Variants in GRIK5 observed in about 807,000 individuals in gnomAD.
The protein encoded by GRIK5 is glutamate receptor ionotropic, kainate 5.
GRIK5 carries 43 observed loss-of-function variants against 97.4 expected under a neutral mutation model. The observed-to-expected ratio is 0.44, with a 90% CI of 0.35 to 0.57. GRIK5 has a LOEUF of 0.57. Among genes scored for constraint, GRIK5 ranks in the 20% least tolerant of loss-of-function variants. GRIK5 has a pLI of 0.01. For missense variants in GRIK5, 1,015 were observed against 1,382.0 expected, an observed-to-expected ratio of 0.73 and a Z score of 4.21; for synonymous variants, 580 against 583.5, an observed-to-expected ratio of 0.99 and a Z score of 0.09.
chr19:42,019,257 G>A (rs2075668592), intron 15 of GRIK5, among the ~76,000 whole-genome samples: 1 of 151,980 alleles, frequency 6.6e-6, no homozygotes, highest in African/African-American at 2.4e-5. Context: ...TCACACACCT[G>A]GCCCTCTCCC....
chr19:42,055,373 G>GT (rs2076169589), intron 8 of GRIK5, among the ~76,000 whole-genome samples: 1 of 152,230 alleles, frequency 6.6e-6, no homozygotes, highest in Non-Finnish European at 1.5e-5. Context: ...GCGCGTAGAA[G>GT]TGTCTTGGTG....
At chr19:42,007,505 G>A (rs2075507139) in intron 15 of GRIK5, among the ~76,000 whole-genome samples, 1 of 152,162 alleles carries the variant, frequency 6.6e-6, no homozygotes, top group Admixed American at 6.5e-5. Flanking sequence ...TAATTTATAG[G>A]AAGGGAAGCC....
At chr19:42,034,460 T>C (rs1257942478) in intron 12 of GRIK5, among the ~76,000 whole-genome samples, 8 of 152,130 alleles carry the variant, frequency 5.3e-5, no homozygotes, top group Admixed American at 4.6e-4. Context: ...TGCTCTCGGA[T>C]CTCTCTGCCC....
intron 12 of GRIK5, among the ~76,000 whole-genome samples, chr19:42,032,973 T>C (rs1420528655): frequency 6.6e-6 from 1 of 152,164 alleles, no homozygotes; most frequent in Non-Finnish European, 1.5e-5. Flanking sequence ...TTAAATGATT[T>C]AAAAATTAGA....
chr19:42,046,194 T>C (rs2076041191), intron 11 of GRIK5, among the ~76,000 whole-genome samples: 1 of 152,184 alleles, frequency 6.6e-6, no homozygotes, highest in Admixed American at 6.5e-5. Flanking sequence ...CTCTGAACCC[T>C]GTTCCTTCCA....
At chr19:42,023,482 G>T (rs572678222) in intron 12 of GRIK5, among the ~76,000 whole-genome samples, 1 of 152,268 alleles carries the variant, frequency 6.6e-6, no homozygotes, top group South Asian at 2.1e-4. Flanking sequence ...CCCACTGGGG[G>T]TCTGTCCTAG....
intron 12 of GRIK5, among the ~76,000 whole-genome samples, chr19:42,034,876 G>A (rs568548136): frequency 2.6e-5 from 4 of 151,090 alleles, no homozygotes; most frequent in African/African-American, 9.7e-5. Flanking sequence ...GGGAAGGAGG[G>A]GACAAGGAGC....
chr19:42,054,487 A>C lies in GRIK5; in HGVS notation c.904-15T>G. On this transcript the variant is annotated splice_polypyrimidine_tract_variant and intron_variant, in intron 8 of 19. Coordinates refer to ENST00000593562, the MANE Select transcript of GRIK5 (RefSeq NM_002088.5). ...GCGGCTGACAGCTGCGGTGGGACAG[A>C]GGCGGGGGTGGGATGGATAAGAGGC... is the stretch of plus-strand genomic sequence containing the variant. 6.3e-7 allele frequency: 1 copy of C among 1,598,774 alleles called. No homozygotes were observed. The highest frequency in any genetic ancestry group is 8.6e-7 in the Non-Finnish European group (1 of 1,169,016).
In GRIK5 at chr19:42,003,514, G is replaced by C; in HGVS notation, c.2392+41C>G. On this transcript the variant is annotated intron_variant, in intron 18 of 19. Coordinates refer to ENST00000593562, the MANE Select transcript of GRIK5 (RefSeq NM_002088.5). The surrounding 1 kb of genome is among the most constrained non-coding windows in gnomAD (Gnocchi z 4.2). The stretch of plus-strand genomic sequence containing the variant: ...TGGGGCTGTGTGGGAAGGGGGCTGG[G>C]AGGGGGCTATGGGAAGGGGACACCA... 6.2e-7 allele frequency: 1 copy of C among 1,604,132 alleles called. No homozygotes were observed. The highest frequency in any genetic ancestry group is 8.5e-7 in the Non-Finnish European group (1 of 1,172,660).
chr19:42,022,113 C>T lies in GRIK5; in HGVS notation c.1588-57G>A. On this transcript the variant is annotated intron_variant, in intron 13 of 19. Transcript: ENST00000593562. This position sits in a 1 kb window ranked among gnomAD's most constrained non-coding sequence, Gnocchi z 4.2. ...CCCCTGGCCTGAGCCTCACACCCAG[C>T]CCCTGCCCTACCAGGGACCTGGGAG... 7.0e-7 allele frequency: 1 copy of T among 1,428,822 alleles called. No homozygotes were observed. Among genetic ancestry groups the T allele is most frequent in the Non-Finnish European group, 9.8e-7 (1 of 1,023,414 alleles). The allele number at this position is 1,428,822 out of a possible 1,614,324, so 88.5% of individuals were successfully genotyped here.
chr19:42,013,848 T>C (rs2075594742), intron 15 of GRIK5, among the ~76,000 whole-genome samples: 1 of 151,966 alleles, frequency 6.6e-6, no homozygotes, highest in Admixed American at 6.6e-5. Context: ...GGCAACACAG[T>C]GAGACTTCGT....
intron 1 of GRIK5, chr19:42,068,728 G>C: frequency 4.0e-6 from 2 of 501,638 alleles, no homozygotes; most frequent in South Asian, 5.8e-5. Context: ...AGAGCAACCT[G>C]GGCTAACAGC....
chr19:42,061,540 C>G (rs1056732504), intron 5 of GRIK5, among the ~76,000 whole-genome samples: 1 of 152,196 alleles, frequency 6.6e-6, no homozygotes, highest in African/African-American at 2.4e-5. Context: ...TTCCTCCTTG[C>G]CTCAAGCTCC....
chr19:42,068,195 A>G (rs564724289), intron 1 of GRIK5, among the ~76,000 whole-genome samples: 1 of 152,078 alleles, frequency 6.6e-6, no homozygotes, highest in African/African-American at 2.4e-5. Context: ...AGGGAAACTG[A>G]GGTGGGGAGA....
intron 1 of GRIK5, among the ~76,000 whole-genome samples, chr19:42,067,691 C>T (rs2076356752): frequency 6.6e-6 from 1 of 152,084 alleles, no homozygotes; most frequent in Admixed American, 6.5e-5. Context: ...TGGGAGCAGA[C>T]AGAGAAAGAC....
At chr19:42,033,446 C>A (rs577714148) in intron 12 of GRIK5, among the ~76,000 whole-genome samples, 1 of 151,890 alleles carries the variant, frequency 6.6e-6, no homozygotes, top group East Asian at 1.9e-4. Flanking sequence ...TTGGATGATT[C>A]CATTTATGTG....
At chr19:42,033,101 C>T (rs1291256201) in intron 12 of GRIK5, among the ~76,000 whole-genome samples, 1 of 151,992 alleles carries the variant, frequency 6.6e-6, no homozygotes, top group East Asian at 1.9e-4. Context: ...GGGTGGATCA[C>T]GTGGTCAGGA....
At chr19:42,063,002 A>G in intron 3 of GRIK5, 147 bp from the exon 4 acceptor site, 2 of 645,994 alleles carry the variant, frequency 3.1e-6, no homozygotes, top group Non-Finnish European at 5.6e-6. Context: ...CCAGAAGGCC[A>G]GTCTCTGACC....
intron 19 of GRIK5, among the ~76,000 whole-genome samples, chr19:42,001,019 T>C (rs1464352837): frequency 6.6e-6 from 1 of 152,168 alleles, no homozygotes; most frequent in Non-Finnish European, 1.5e-5. Context: ...GCCTTTCATG[T>C]GCAAACCAAC....
Sources: allele counts gnomAD v4.1 joint callset (sites outside exome capture counted in the v4.1 genomes callset), GRCh38; gene constraint gnomAD v4.1.1; non-coding constraint Gnocchi (gnomAD v3.1); transcripts MANE v1.5; gene names NCBI Gene and HGNC (gene_info 2026-07-23, HGNC 2026-07-21).